The following TNR variants were observed in gnomAD, a reference collection of about 807,000 sequenced individuals.
The protein encoded by TNR is tenascin-R.
TNR carries 45 observed loss-of-function variants against 150.4 expected under a neutral mutation model. That is an observed-to-expected ratio of 0.30 (90% CI 0.24 to 0.38). The LOEUF (loss-of-function observed/expected upper bound fraction) is 0.38, where lower values mean the gene tolerates loss of function less well. Among genes scored for constraint, TNR ranks in the 10% least tolerant of loss-of-function variants. The probability of loss-of-function intolerance (pLI) is 1.00; values close to 1 mark genes in which losing one functional copy is unlikely to be tolerated. For synonymous variants in TNR, 687 were observed against 678.4 expected, an observed-to-expected ratio of 1.01 and a Z score of -0.20; for missense variants, 1,544 against 1,759.1, an observed-to-expected ratio of 0.88 and a Z score of 2.19.
chr1:175,390,010 T>C (rs1034554852), intron 7 of TNR, among the ~76,000 whole-genome samples: 2 of 152,180 alleles, frequency 1.3e-5, no homozygotes, highest in Non-Finnish European at 2.9e-5. Flanking sequence ...AAAGTGGAGC[T>C]GTCCTGGTTG....
chr1:175,657,913 A>T (rs1414966790), intron 1 of TNR, among the ~76,000 whole-genome samples: 2 of 113,658 alleles, frequency 1.8e-5, no homozygotes, highest in Non-Finnish European at 3.8e-5. Context: ...GTGCACATGT[A>T]CCCTAAAACT....
chr1:175,460,914 T>G (rs139068393), intron 2 of TNR, among the ~76,000 whole-genome samples: 1 of 152,200 alleles, frequency 6.6e-6, no homozygotes, highest in Admixed American at 6.5e-5. Context: ...CACATGTACA[T>G]GCTCATATAT....
At chr1:175,616,897 A>C (rs10798406) in intron 1 of TNR, among the ~76,000 whole-genome samples, 73,312 of 152,014 alleles carry the variant, frequency 0.48, 19,024 homozygotes, top group African/African-American at 0.7. Flanking sequence ...TGGACTGTGA[A>C]ATGAGAGGTT....
At chr1:175,364,103 C>CT (rs963724120) in intron 12 of TNR, among the ~76,000 whole-genome samples, 18 of 151,508 alleles carry the variant, frequency 1.2e-4, no homozygotes, top group Non-Finnish European at 1.0e-4. Context: ...CAACTAGGAA[C>CT]TTTTTTTTTA....
chr1:175,728,454 T>A (rs1667540793), intron 1 of TNR, among the ~76,000 whole-genome samples: 2 of 152,202 alleles, frequency 1.3e-5, no homozygotes, highest in South Asian at 4.1e-4. Context: ...GTACCATCTG[T>A]CCTTACATGT....
In TNR at chr1:175,715,788, G is replaced by A. The variant is rs114517261; in HGVS notation, c.-165+27438C>T. On this transcript the variant is annotated intron_variant, in intron 1 of 22. Coordinates refer to ENST00000367674, the MANE Select transcript of TNR (RefSeq NM_003285.3). ...TGTGATGGGTGAGTTCATAACCTGT[G>A]TGTGTCTGGGGCTTATTCCTCCTTC... Among the ~76,000 whole-genome samples the A allele has an allele frequency of 3.5e-3, 537 of 152,298 alleles. 3 individuals carry two copies. The highest frequency in any genetic ancestry group is 0.012 in the African/African-American group (510 of 41,550).
intron 2 of TNR, among the ~76,000 whole-genome samples, chr1:175,489,301 G>A (rs1658143585): frequency 6.6e-6 from 1 of 152,188 alleles, no homozygotes; most frequent in South Asian, 2.1e-4. Context: ...GTGGTCCCCA[G>A]GTACTCTGCC....
chr1:175,573,692 G>C lies in TNR; in HGVS notation c.-164-45323C>G, dbSNP rs149975466. Among the ~76,000 whole-genome samples the C allele has an allele frequency of 2.1e-3, 320 of 152,306 alleles. 1 individual carries two copies. Among genetic ancestry groups the C allele is most frequent in the African/African-American group, 7.3e-3 (302 of 41,558 alleles). On this transcript the variant is annotated intron_variant, in intron 1 of 22. Transcript: ENST00000367674. ...TTATCCGATTGTATGTTGCAATCTG[G>C]GGCACTGGCAGATTTCCAGCACGGC...
intron 2 of TNR, among the ~76,000 whole-genome samples, chr1:175,520,098 T>A (rs1474548287): frequency 6.6e-6 from 1 of 152,176 alleles, no homozygotes; most frequent in Non-Finnish European, 1.5e-5. Flanking sequence ...CGAATAAACA[T>A]AAAGTAATCA....
intron 3 of TNR, among the ~76,000 whole-genome samples, chr1:175,405,339 A>G (rs1489468387): frequency 3.9e-5 from 6 of 152,196 alleles, no homozygotes; most frequent in Admixed American, 3.9e-4. Flanking sequence ...CCATTTGTAG[A>G]TGAGGAAAGG....
chr1:175,319,560 G>C lies in TNR; in HGVS notation c.*3797C>G, dbSNP rs186174317. ...TGGTTCTCAGGTGGAAGGAAGCGGGGCATTAGGAGTCCTACCACTTTATGA... is the reference window on the plus strand; with the variant it reads ...TGGTTCTCAGGTGGAAGGAAGCGGGCCATTAGGAGTCCTACCACTTTATGA... On this transcript the variant is annotated 3_prime_UTR_variant, in exon 23 of 23. Transcript: ENST00000367674. The C allele has an allele frequency of 6.6e-6, 1 of 152,412 alleles. No individual in the cohort carries two copies. Among genetic ancestry groups the C allele is most frequent in the Non-Finnish European group, 1.5e-5 (1 of 68,050 alleles). The allele number at this position is 152,412 out of a possible 1,614,324, so 9.4% of individuals were successfully genotyped here. A position where few individuals can be genotyped will look rare whatever the true frequency, so the allele number is the denominator to read the frequency against.
At chr1:175,676,381 G>A (rs748914582) in intron 1 of TNR, among the ~76,000 whole-genome samples, 17 of 152,094 alleles carry the variant, frequency 1.1e-4, no homozygotes, top group African/African-American at 9.7e-5. Context: ...ACTCAGCTCC[G>A]AGCCAACTGA....
intron 1 of TNR, among the ~76,000 whole-genome samples, chr1:175,534,329 G>T (rs1473559326): frequency 6.6e-6 from 1 of 152,222 alleles, no homozygotes; most frequent in Non-Finnish European, 1.5e-5. Flanking sequence ...TAAGCCTTCA[G>T]TCTTCTAGAG....
intron 2 of TNR, among the ~76,000 whole-genome samples, chr1:175,502,013 G>A (rs990667965): frequency 3.3e-5 from 5 of 152,230 alleles, no homozygotes; most frequent in East Asian, 1.9e-4. Context: ...TTGAGCAGTC[G>A]GGGTGGGGGC....
At position 175,501,887 on chromosome 1, in the gene TNR, C is replaced by A. The variant is rs184355088; in HGVS notation, c.-64+26382G>T. On this transcript the variant is annotated intron_variant, in intron 2 of 22. Coordinates refer to ENST00000367674, the MANE Select transcript of TNR (RefSeq NM_003285.3). ...GTCACAGTGGTGACCTGAGCACAGC[C>A]CCTGTCTTCAAAGCCAGTCTGGTGT... 9.1e-4 allele frequency among the ~76,000 whole-genome samples: 138 copies of A among 152,204 alleles called. 1 individual carries two copies. Among genetic ancestry groups the A allele is most frequent in the African/African-American group, 3.0e-3 (126 of 41,510 alleles).
At position 175,406,213 on chromosome 1, in the gene TNR, T is replaced by C. The variant is rs1557913210; in HGVS notation, c.499+3A>G. 6.2e-7 allele frequency: 1 copy of C among 1,613,298 alleles called. No homozygotes were observed. Among genetic ancestry groups the C allele is most frequent in the Non-Finnish European group, 8.5e-7 (1 of 1,179,504 alleles). ...GACCACGCTGCGAGCTCCCGGACTC[T>C]ACCTGTGGCAGCACTTTCTTGGCAG... is the stretch of plus-strand genomic sequence containing the variant. On this transcript the variant is annotated splice_donor_region_variant and intron_variant, in intron 3 of 22. Coordinates refer to ENST00000367674, the MANE Select transcript of TNR (RefSeq NM_003285.3).
chr1:175,734,755 G>C (rs553071662), intron 1 of TNR, among the ~76,000 whole-genome samples: 5 of 152,212 alleles, frequency 3.3e-5, no homozygotes, highest in African/African-American at 1.2e-4. Flanking sequence ...CGCAGAAAAG[G>C]GGAGTGCATC....
chr1:175,523,684 T>C (rs1031322887), intron 2 of TNR, among the ~76,000 whole-genome samples: 2 of 152,194 alleles, frequency 1.3e-5, no homozygotes, highest in Non-Finnish European at 2.9e-5. Context: ...CTGTATCACC[T>C]CTCATCTGGA....
Position 175,724,497 on chromosome 1 carries a change from T to G in TNR, c.-165+18729A>C, listed in dbSNP as rs139079515. On this transcript the variant is annotated intron_variant, in intron 1 of 22. Coordinates refer to ENST00000367674, the MANE Select transcript of TNR (RefSeq NM_003285.3). ...CAATCACCTCCCACTAGGCCCCACCTACAACACTGGGGATTACAATTCGAC... is the reference window on the plus strand; with the variant it reads ...CAATCACCTCCCACTAGGCCCCACCGACAACACTGGGGATTACAATTCGAC... Among the ~76,000 whole-genome samples, 1,497 of 152,238 alleles carry G rather than the reference T, an allele frequency of 9.8e-3. 29 individuals are homozygous for G. Among genetic ancestry groups the G allele is most frequent in the African/African-American group, 0.031 (1,305 of 41,540 alleles).
Sources: gnomAD v4.1 joint callset for allele counts (sites outside exome capture counted in the v4.1 genomes callset) on GRCh38, gnomAD v4.1.1 for gene constraint, MANE v1.5 for transcripts, NCBI Gene and HGNC (gene_info 2026-07-23, HGNC 2026-07-21) for gene names.